REPS1: variants seen among roughly 807,000 people sequenced by gnomAD.
REPS1 encodes ralBP1-associated Eps domain-containing protein 1.
REPS1 carries 39 observed loss-of-function variants against 100.9 expected under a neutral mutation model. That is an observed-to-expected ratio of 0.39 (90% CI 0.30 to 0.50). The LOEUF is 0.50. REPS1 is among the 20% of genes least tolerant of loss of function. REPS1 has a pLI of 0.86. For synonymous variants in REPS1, 324 were observed against 340.3 expected (o/e 0.95, Z 0.53); for missense variants, 821 against 968.5 (o/e 0.85, Z 2.02).
chr6:138,955,457 A>AGTGTGTGTGT (rs1554294151), intron 1 of REPS1, among the ~76,000 whole-genome samples: 1,213 of 90,698 alleles, frequency 0.013, 23 homozygotes, highest in East Asian at 0.051. Flanking sequence ...AAAAAAAAAA[A>AGTGTGTGTGT]GTGTGTGTGT....
chr6:138,967,983 T>G (rs1784112928), intron 1 of REPS1, among the ~76,000 whole-genome samples: 1 of 152,182 alleles, frequency 6.6e-6, no homozygotes, highest in African/African-American at 2.4e-5. Context: ...GCTCCTTAAC[T>G]TACGATGGGG....
intron 8 of REPS1, among the ~76,000 whole-genome samples, chr6:138,940,753 GAAAAAAGAAAAA>G (rs1782195633): frequency 7.8e-6 from 1 of 128,660 alleles, no homozygotes; most frequent in East Asian, 2.2e-4. Context: ...TCAAAAAAAA[GAAAAAAGAAAAA>G]AAAAAAGAAA....
At chr6:138,908,945 A>T in intron 17 of REPS1, 129 bp from the exon 18 acceptor site, 1 of 804,082 alleles carries the variant, frequency 1.2e-6, no homozygotes, top group Non-Finnish European at 1.9e-6. Flanking sequence ...CCTACTTTAA[A>T]TCTATATATT....
intron 8 of REPS1, among the ~76,000 whole-genome samples, chr6:138,932,001 T>G (rs1235491856): frequency 6.6e-6 from 1 of 152,220 alleles, no homozygotes; most frequent in Non-Finnish European, 1.5e-5. Flanking sequence ...ACTCTATTAC[T>G]TTATTTTTAA....
chr6:138,942,329 C>T (rs1248758787), intron 7 of REPS1, among the ~76,000 whole-genome samples: 1 of 152,146 alleles, frequency 6.6e-6, no homozygotes. Flanking sequence ...GTGTTATCTA[C>T]CTACCTTGTA....
chr6:138,949,799 A>T (rs970051822), intron 1 of REPS1, among the ~76,000 whole-genome samples: 1 of 152,178 alleles, frequency 6.6e-6, no homozygotes, highest in Non-Finnish European at 1.5e-5. Context: ...TCATTTATTC[A>T]ATGACTATTT....
chr6:138,941,692 T>C (rs1012911793), intron 7 of REPS1, among the ~76,000 whole-genome samples: 3 of 152,212 alleles, frequency 2.0e-5, no homozygotes, highest in Non-Finnish European at 4.4e-5. Context: ...TGAATGCTTA[T>C]GGTACTCTTC....
rs1259651751 is a variant in REPS1 at position 138,904,300 on chromosome 6, G to C, written c.*764C>G. 1 of 152,052 alleles carries C rather than the reference G, an allele frequency of 6.6e-6. No homozygotes were observed. Among genetic ancestry groups the C allele is most frequent in the Non-Finnish European group, 1.5e-5 (1 of 68,020 alleles). 9.4% of individuals were successfully genotyped at this position (152,052 alleles called of 1,614,324 possible). A position where few individuals can be genotyped will look rare whatever the true frequency, so the allele number is the denominator to read the frequency against. On this transcript the variant is annotated 3_prime_UTR_variant, in exon 20 of 20. Transcript: ENST00000450536. ...GCTAAAGGTAAACTAGAAATCCTAA[G>C]GAATTTCCCTTTATTCTGGGAATAA... is the stretch of plus-strand genomic sequence containing the variant.
At chr6:138,937,532 C>A (rs542951232) in intron 8 of REPS1, among the ~76,000 whole-genome samples, 1 of 152,016 alleles carries the variant, frequency 6.6e-6, no homozygotes, top group African/African-American at 2.4e-5. Context: ...AAAAAAAATT[C>A]GTGTTGGAAG....
intron 5 of REPS1, 79 bp downstream of exon 5, chr6:138,944,419 C>T: frequency 2.7e-6 from 4 of 1,483,158 alleles, no homozygotes; most frequent in Non-Finnish European, 3.7e-6. Flanking sequence ...AAATCTGCAA[C>T]AGCAAAATAT....
At chr6:138,919,787 C>G (rs1270983366) in intron 12 of REPS1, among the ~76,000 whole-genome samples, 5 of 152,172 alleles carry the variant, frequency 3.3e-5, no homozygotes, top group African/African-American at 9.7e-5. Flanking sequence ...TAGTTACTTT[C>G]TAATATAAGA....
intron 7 of REPS1, among the ~76,000 whole-genome samples, chr6:138,943,149 G>T (rs1782377417): frequency 6.6e-6 from 1 of 152,188 alleles, no homozygotes; most frequent in Non-Finnish European, 1.5e-5. Flanking sequence ...TGGTTAAATG[G>T]AAGCTAACAC....
At chr6:138,921,976 A>AGTGTGTGTGTGTGTGTGTGTGTGTGTGT (rs71895504) in intron 10 of REPS1, among the ~76,000 whole-genome samples, 1 of 148,502 alleles carries the variant, frequency 6.7e-6, no homozygotes, top group African/African-American at 2.5e-5. Flanking sequence ...CATCTCAAAA[A>AGTGTGTGTGTGTGTGTGTGTGTGTGTGT]GTGTGTGTGT....
Position 138,904,441 on chromosome 6 carries a change from G to A in REPS1, c.*623C>T, listed in dbSNP as rs753999578. The A allele has an allele frequency of 2.0e-5, 3 of 152,124 alleles. No individual in the cohort carries two copies. The highest frequency in any genetic ancestry group is 2.9e-5 in the Non-Finnish European group (2 of 68,020). 9.4% of individuals were successfully genotyped at this position (152,124 alleles called of 1,614,324 possible). On this transcript the variant is annotated 3_prime_UTR_variant, in exon 20 of 20. Coordinates refer to ENST00000450536, the MANE Select transcript of REPS1 (RefSeq NM_001286611.2). ...ATTATTGAATCTCATAAAATAGTTCGAAGTCGCTGATGAAGTTGATCACAT... is the reference window on the plus strand; with the variant it reads ...ATTATTGAATCTCATAAAATAGTTCAAAGTCGCTGATGAAGTTGATCACAT...
chr6:138,953,680 TCAAAA>T (rs1562550966), intron 1 of REPS1, among the ~76,000 whole-genome samples: 1 of 86,082 alleles, frequency 1.2e-5, no homozygotes, highest in African/African-American at 4.7e-5. Context: ...CTGGCTATTA[TCAAAA>T]AAAAAAAAAA....
chr6:138,950,310 C>A (rs922881956), intron 1 of REPS1, among the ~76,000 whole-genome samples: 1 of 151,580 alleles, frequency 6.6e-6, no homozygotes, highest in East Asian at 1.9e-4. Flanking sequence ...CTCATCTATA[C>A]GAAAAAAAAT....
intron 8 of REPS1, among the ~76,000 whole-genome samples, chr6:138,937,820 T>C (rs1781956377): frequency 6.6e-6 from 1 of 152,224 alleles, no homozygotes; most frequent in Non-Finnish European, 1.5e-5. Context: ...TGCTAGGCAC[T>C]GAGATATAAT....
intron 9 of REPS1, chr6:138,928,769 A>C (rs1369710683): frequency 6.6e-6 from 1 of 151,512 alleles, no homozygotes; most frequent in Non-Finnish European, 1.5e-5. Flanking sequence ...ACACAAGATG[A>C]ATAGATGCAG....
Position 138,945,439 on chromosome 6 carries a change from A to G in REPS1, c.474+62T>C, listed in dbSNP as rs549445950. The G allele has an allele frequency of 3.2e-6, 5 of 1,581,428 alleles. No individual in the cohort carries two copies. The South Asian group carries it at 5.9e-5, about 19-fold the overall frequency. ...CATTTTAATTATTAAGCTACCAATAAGAGCCTTAGTGAAGCATTTGCACAG... is the reference window on the plus strand; with the variant it reads ...CATTTTAATTATTAAGCTACCAATAGGAGCCTTAGTGAAGCATTTGCACAG... On this transcript the variant is annotated intron_variant, in intron 3 of 19. Coordinates refer to ENST00000450536, the MANE Select transcript of REPS1 (RefSeq NM_001286611.2).
Sources: allele counts gnomAD v4.1 joint callset (sites outside exome capture counted in the v4.1 genomes callset), GRCh38; gene constraint gnomAD v4.1.1; transcripts MANE v1.5; gene names NCBI Gene and HGNC (gene_info 2026-07-23, HGNC 2026-07-21).